NCOA1: variants seen among roughly 807,000 people sequenced by gnomAD.
The protein encoded by NCOA1 is nuclear receptor coactivator 1.
Under a neutral mutation model 150.9 loss-of-function variants are expected in NCOA1, and 35 were observed. The observed-to-expected ratio is 0.23, with a 90% CI of 0.18 to 0.31. NCOA1 has a LOEUF of 0.31. Ranked by LOEUF, NCOA1 falls within the 10% of genes least tolerant of loss-of-function variation. NCOA1 has a pLI of 1.00. For missense variants in NCOA1, 1,491 were observed against 1,749.3 expected, an observed-to-expected ratio of 0.85 and a Z score of 2.63; for synonymous variants, 590 against 630.0, an observed-to-expected ratio of 0.94 and a Z score of 0.95.
Position 24,574,136 on chromosome 2 carries a change from G to A in NCOA1, c.-260+9706G>A, listed in dbSNP as rs567344129. 3.9e-5 allele frequency among the ~76,000 whole-genome samples: 6 copies of A among 152,066 alleles called. No homozygotes were observed. The Middle Eastern group carries it at 0.01, about 259-fold the overall frequency. ...GACAAATCTTACAAAGGAAAAGATG[G>A]AAAACCAAAATTAAGTTTGTAAAGC... On this transcript the variant is annotated intron_variant, in intron 2 of 22. Coordinates refer to ENST00000348332, the MANE Select transcript of NCOA1 (RefSeq NM_003743.5).
At chr2:24,516,224 G>C (rs181574126) in intron 1 of NCOA1, among the ~76,000 whole-genome samples, 2 of 118,366 alleles carry the variant, frequency 1.7e-5, no homozygotes, top group African/African-American at 3.3e-5. Context: ...ACGGAGCCTC[G>C]CTCTGTCGCC....
intron 3 of NCOA1, among the ~76,000 whole-genome samples, chr2:24,642,468 C>T (rs531310932): frequency 6.6e-6 from 1 of 151,784 alleles, no homozygotes; most frequent in African/African-American, 2.4e-5. Flanking sequence ...CATTTTCTAC[C>T]TTCTTTGCAT....
intron 20 of NCOA1, 48 bp from the exon 21 acceptor site, chr2:24,757,925 C>A: frequency 1.3e-6 from 2 of 1,590,412 alleles, no homozygotes; most frequent in South Asian, 1.1e-5. Flanking sequence ...CATATATCCC[C>A]TTGTTCATGA....
intron 14 of NCOA1, among the ~76,000 whole-genome samples, chr2:24,725,002 T>A (rs1364077772): frequency 6.6e-6 from 1 of 152,186 alleles, no homozygotes; most frequent in Non-Finnish European, 1.5e-5. Flanking sequence ...AATCGAAAGC[T>A]GTAATTATAT....
rs768707531 is a variant in NCOA1 at position 24,729,668 on chromosome 2, G to A, written c.3054G>A (p.Leu1018=). The change falls in exon 17 of 23, where the codon CTG becomes CTA. Residue 1018 remains leucine, a synonymous_variant. Transcript: ENST00000348332. ...FQGMVRQKPS[L]GTMPVQVTPP... Reference sequence around the variant, plus strand: ...GCATGGTCAGGCAAAAACCTTCACTGGGGACGATGCCTGTTCAAGTAACAC... The same window carrying A: ...GCATGGTCAGGCAAAAACCTTCACTAGGGACGATGCCTGTTCAAGTAACAC... The A allele has an allele frequency of 6.2e-7, 1 of 1,614,080 alleles. No homozygotes were observed. The highest frequency in any genetic ancestry group is 1.1e-5 in the South Asian group (1 of 91,074).
intron 1 of NCOA1, among the ~76,000 whole-genome samples, chr2:24,558,881 T>C (rs768481398): frequency 1.3e-5 from 2 of 152,142 alleles, no homozygotes; most frequent in African/African-American, 2.4e-5. Flanking sequence ...GGGCTTGATC[T>C]CGTTGGATCC....
intron 3 of NCOA1, among the ~76,000 whole-genome samples, chr2:24,639,966 A>ATG (rs1670128737): frequency 8.7e-6 from 1 of 114,982 alleles, no homozygotes; most frequent in African/African-American, 3.4e-5. Context: ...ATATATATAT[A>ATG]TATATTCAGA....
chr2:24,623,060 C>CATT (rs896743131), intron 3 of NCOA1, among the ~76,000 whole-genome samples: 11 of 152,274 alleles, frequency 7.2e-5, no homozygotes, highest in African/African-American at 2.6e-4. Context: ...ATTTACCAGG[C>CATT]ATTACAAGGA....
At chr2:24,520,975 C>CT (rs879901767) in intron 1 of NCOA1, among the ~76,000 whole-genome samples, 35 of 145,164 alleles carry the variant, frequency 2.4e-4, no homozygotes, top group Admixed American at 9.6e-4. Flanking sequence ...TTTGCTTTAG[C>CT]TTTTTTTTTT....
intron 1 of NCOA1, among the ~76,000 whole-genome samples, chr2:24,563,191 G>A (rs180676020): frequency 5.5e-4 from 84 of 152,288 alleles, no homozygotes; most frequent in Non-Finnish European, 7.5e-4. Flanking sequence ...GATTTCCAGA[G>A]GTCCTTGTGG....
intron 7 of NCOA1, among the ~76,000 whole-genome samples, chr2:24,679,796 A>T (rs1672083945): frequency 6.6e-6 from 1 of 152,192 alleles, no homozygotes; most frequent in Non-Finnish European, 1.5e-5. Flanking sequence ...GATTTTAAAG[A>T]TTATTAATCA....
chr2:24,608,704 G>GT (rs56710627), intron 3 of NCOA1, among the ~76,000 whole-genome samples: 6,286 of 117,294 alleles, frequency 0.054, 481 homozygotes, highest in African/African-American at 0.18. Context: ...TTGTTGTTGT[G>GT]TTTTTTTTTT....
chr2:24,578,529 A>G (rs1211563769), intron 2 of NCOA1, among the ~76,000 whole-genome samples: 1 of 152,202 alleles, frequency 6.6e-6, no homozygotes, highest in East Asian at 1.9e-4. Context: ...TCCAGTAACT[A>G]CATTAATAAA....
chr2:24,634,652 A>G (rs1219793214), intron 3 of NCOA1, among the ~76,000 whole-genome samples: 6 of 137,488 alleles, frequency 4.4e-5, no homozygotes, highest in African/African-American at 1.7e-4. Context: ...GTGGGGGTTT[A>G]TTAAGGGTTT....
At chr2:24,762,335 A>AT (rs1664830990) in intron 21 of NCOA1, among the ~76,000 whole-genome samples, 1 of 152,246 alleles carries the variant, frequency 6.6e-6, no homozygotes. Flanking sequence ...TCTACCACTA[A>AT]TTAACATATG....
At chr2:24,601,992 G>A (rs1306305937) in intron 3 of NCOA1, among the ~76,000 whole-genome samples, 4 of 152,056 alleles carry the variant, frequency 2.6e-5, no homozygotes, top group Admixed American at 1.3e-4. Flanking sequence ...TTATCAGGTA[G>A]TTTAATCTTT....
At chr2:24,494,273 T>C (rs1016224650) in intron 1 of NCOA1, among the ~76,000 whole-genome samples, 33 of 152,324 alleles carry the variant, frequency 2.2e-4, no homozygotes, top group Non-Finnish European at 4.4e-4. Context: ...TTATAATTGT[T>C]TTTCAAGGAT....
At chr2:24,552,118 T>C (rs1665852513) in intron 1 of NCOA1, among the ~76,000 whole-genome samples, 2 of 151,802 alleles carry the variant, frequency 1.3e-5, no homozygotes, top group Non-Finnish European at 2.9e-5. Flanking sequence ...GAAAAGTGTT[T>C]TGACTATTCT....
intron 10 of NCOA1, 71 bp downstream of exon 10, chr2:24,693,418 TC>T: frequency 7.8e-7 from 1 of 1,278,666 alleles, no homozygotes; most frequent in Non-Finnish European, 1.1e-6. Flanking sequence ...ACTAATTATA[TC>T]CAGAATGTCT....
Sources: allele counts gnomAD v4.1 joint callset (sites outside exome capture counted in the v4.1 genomes callset), GRCh38; gene constraint gnomAD v4.1.1; transcripts MANE v1.5; gene names NCBI Gene and HGNC (gene_info 2026-07-23, HGNC 2026-07-21).